The following FLT3 variants were observed in gnomAD, a reference collection of about 807,000 sequenced individuals.
FLT3 encodes the protein receptor-type tyrosine-protein kinase FLT3.
Under a neutral mutation model 126.6 loss-of-function variants are expected in FLT3, and 46 were observed. The ratio of observed to expected loss-of-function variants is 0.36; its 90% confidence interval spans 0.29 to 0.46. FLT3 has a LOEUF of 0.46. Among genes scored for constraint, FLT3 ranks in the 20% least tolerant of loss-of-function variants. The pLI is 1.00. For synonymous variants in FLT3, 404 were observed against 434.4 expected (o/e 0.93, Z 0.87); for missense variants, 1,069 against 1,190.3 (o/e 0.90, Z 1.50).
intron 10 of FLT3, 123 bp downstream of exon 10, chr13:28,037,062 T>A (rs1330917985): frequency 3.2e-6 from 2 of 627,408 alleles, no homozygotes; most frequent in African/African-American, 1.9e-5. Flanking sequence ...TCAAAACACT[T>A]CAGCGTACAA....
At chr13:28,050,355 C>T (rs1875327718) in intron 5 of FLT3, 133 bp from the exon 6 acceptor site, 2 of 787,346 alleles carry the variant, frequency 2.5e-6, no homozygotes, top group Admixed American at 2.6e-5. Flanking sequence ...GGTAAACAAG[C>T]CCATATCTAT....
intron 2 of FLT3, among the ~76,000 whole-genome samples, chr13:28,068,996 C>T (rs1044944435): frequency 2.6e-5 from 4 of 151,880 alleles, no homozygotes; most frequent in African/African-American, 7.3e-5. Flanking sequence ...AAAAACAAGA[C>T]GAACAGCGTA....
intron 2 of FLT3, among the ~76,000 whole-genome samples, chr13:28,064,587 A>G (rs573734356): frequency 1.2e-3 from 190 of 152,298 alleles, no homozygotes; most frequent in African/African-American, 4.0e-3. Context: ...AAGAAAAAAA[A>G]GAATGGCCCT....
intron 23 of FLT3, chr13:28,009,553 G>T (rs1367757999): frequency 6.6e-6 from 1 of 152,018 alleles, no homozygotes; most frequent in East Asian, 1.9e-4. Flanking sequence ...TTTTATTTTA[G>T]TTTAGTTTAG....
rs752729752 is a variant in FLT3, at chr13:28,034,168, G to A, written c.1751C>T (p.Ser584Phe). Residue 584 changes from serine (S) to phenylalanine (F), a missense_variant, in exon 14 of 24, where the codon TCC becomes TTC. Transcript: ENST00000241453. ...SQLQMVQVTG[S>F]SDNEYFYVDF... Reference sequence around the variant, plus strand: ...AACGTAGAAGTACTCATTATCTGAGGAGCCGGTCACCTGTACCATCTGTAG... The same window carrying A: ...AACGTAGAAGTACTCATTATCTGAGAAGCCGGTCACCTGTACCATCTGTAG... The A allele has an allele frequency of 2.1e-5, 34 of 1,613,866 alleles. No homozygotes were observed. Among genetic ancestry groups the A allele is most frequent in the Non-Finnish European group, 2.8e-5 (33 of 1,179,940 alleles).
At chr13:28,023,780 A>G (rs189807307) in intron 18 of FLT3, among the ~76,000 whole-genome samples, 2 of 147,102 alleles carry the variant, frequency 1.4e-5, no homozygotes, top group Admixed American at 1.4e-4. Context: ...GTGGGAAAGG[A>G]ATTAATATTA....
At chr13:28,012,052 C>T (rs1203486410) in intron 23 of FLT3, among the ~76,000 whole-genome samples, 1 of 152,098 alleles carries the variant, frequency 6.6e-6, no homozygotes, top group Non-Finnish European at 1.5e-5. Context: ...CCTCAGCCTC[C>T]CAAAGTGCTG....
chr13:28,056,777 A>T (rs1353749014), intron 4 of FLT3, among the ~76,000 whole-genome samples: 2 of 152,198 alleles, frequency 1.3e-5, no homozygotes, highest in Non-Finnish European at 2.9e-5. Context: ...AATTAAATAA[A>T]ATTAAAACTT....
At chr13:28,047,464 CTT>C (rs1163089026) in intron 9 of FLT3, among the ~76,000 whole-genome samples, 3 of 152,106 alleles carry the variant, frequency 2.0e-5, no homozygotes, top group African/African-American at 7.2e-5. Context: ...AATCCCAGCA[CTT>C]TGGGAGGCCC....
intron 4 of FLT3, 92 bp downstream of exon 4, chr13:28,057,255 T>C (rs1876096106): frequency 4.1e-6 from 3 of 731,064 alleles, no homozygotes; most frequent in South Asian, 2.9e-5. Context: ...TGAATATGTC[T>C]AGAGGAGCTG....
chr13:28,086,221 A>G (rs1054680630), intron 1 of FLT3, among the ~76,000 whole-genome samples: 4 of 151,798 alleles, frequency 2.6e-5, no homozygotes, highest in African/African-American at 9.7e-5. Flanking sequence ...ATTCCACTTT[A>G]TTTCCTTTTG....
chr13:28,069,301 G>A (rs1403024242), intron 2 of FLT3, among the ~76,000 whole-genome samples: 4 of 152,096 alleles, frequency 2.6e-5, no homozygotes, highest in African/African-American at 9.7e-5. Flanking sequence ...CTCCTAAAGG[G>A]GATCGACAAC....
chr13:28,062,472 G>A (rs1383618344), intron 2 of FLT3, among the ~76,000 whole-genome samples: 2 of 152,126 alleles, frequency 1.3e-5, no homozygotes, highest in Non-Finnish European at 2.9e-5. Flanking sequence ...GCAGGGCACG[G>A]TGGCTCACAC....
chr13:28,089,369 A>ATTTTT (rs1878882268), intron 1 of FLT3, among the ~76,000 whole-genome samples: 15 of 151,304 alleles, frequency 9.9e-5, no homozygotes, highest in African/African-American at 3.4e-4. Context: ...ATTTACCCAA[A>ATTTTT]AGAAATGAAA....
At chr13:28,089,458 A>G (rs924523619) in intron 1 of FLT3, among the ~76,000 whole-genome samples, 1 of 151,304 alleles carries the variant, frequency 6.6e-6, no homozygotes, top group Non-Finnish European at 1.5e-5. Flanking sequence ...GAAGCAAACA[A>G]ATGACCAGTC....
chr13:28,089,738 CT>C (rs56030894), intron 1 of FLT3, among the ~76,000 whole-genome samples: 23,310 of 143,788 alleles, frequency 0.16, 1,925 homozygotes, highest in Middle Eastern at 0.25. Flanking sequence ...CATGAGGGAA[CT>C]TTTTTTTTTT....
intron 1 of FLT3, among the ~76,000 whole-genome samples, chr13:28,096,700 G>A (rs1171585833): frequency 6.6e-6 from 1 of 152,076 alleles, no homozygotes; most frequent in Non-Finnish European, 1.5e-5. Context: ...CCAAAGTGCT[G>A]GGATTACAGG....
At position 28,018,565 on chromosome 13, in the gene FLT3, TG is replaced by T; in HGVS notation, c.2442del (p.Arg815GlyfsTer11). The T allele has an allele frequency of 6.2e-7, 1 of 1,614,216 alleles. No homozygotes were observed. Among genetic ancestry groups the T allele is most frequent in the Non-Finnish European group, 8.5e-7 (1 of 1,180,018 alleles). On this transcript the variant is annotated frameshift_variant, in exon 20 of 24. Coordinates refer to ENST00000241453, the MANE Select transcript of FLT3 (RefSeq NM_004119.3). LOFTEE classifies it high-confidence loss of function. ...FKSCVHRDLA[A>X]RNVLVTHGKV... The stretch of plus-strand genomic sequence containing the variant: ...TTCCCGTGGGTGACAAGCACGTTCC[TG>T]GCGGCCAGGTCTCTGTGAACACACT...
chr13:28,027,443 C>T (rs537975068), intron 16 of FLT3, among the ~76,000 whole-genome samples: 10 of 152,328 alleles, frequency 6.6e-5, no homozygotes, highest in African/African-American at 2.4e-4. Context: ...GCAGCATCTT[C>T]TTGACATTCT....
Sources: allele counts gnomAD v4.1 joint callset (sites outside exome capture counted in the v4.1 genomes callset), GRCh38; gene constraint gnomAD v4.1.1; transcripts MANE v1.5; gene names NCBI Gene and HGNC (gene_info 2026-07-23, HGNC 2026-07-21).